The following SPDYE14 variants were observed in gnomAD, a reference collection of about 807,000 sequenced individuals.
SPDYE14 encodes speedy/RINGO cell cycle regulator family member E14, also known as speedy protein E14.
the SPDYE14 span, among the ~76,000 whole-genome samples, chr7:75,255,226 G>A: frequency 2.0e-4 from 6 of 29,276 alleles, 2 homozygotes; most frequent in African/African-American, 5.2e-4. Flanking sequence ...AGGCTGGAGT[G>A]CAGCAGCACG....
the SPDYE14 span, among the ~76,000 whole-genome samples, chr7:75,249,574 C>CTTTT: frequency 1.8e-5 from 2 of 111,604 alleles, no homozygotes; most frequent in Non-Finnish European, 3.8e-5. Context: ...TTCTTCCTTC[C>CTTTT]TTCTTTCCTT....
the SPDYE14 span, among the ~76,000 whole-genome samples, chr7:75,241,695 A>ATTTTTT: frequency 2.0e-3 from 31 of 15,488 alleles, no homozygotes; most frequent in Non-Finnish European, 4.1e-3. Context: ...ATATATATAT[A>ATTTTTT]TTTTTTTTTT....
At chr7:75,303,532 C>T in the SPDYE14 span, among the ~76,000 whole-genome samples, 1 of 21,500 alleles carries the variant, frequency 4.7e-5, no homozygotes, top group Admixed American at 4.8e-4. Flanking sequence ...TGGTGGCATG[C>T]GCCTGTAGTT....
At chr7:75,275,410 CTGTTGATCTG>C in the SPDYE14 span, among the ~76,000 whole-genome samples, 1 of 48,648 alleles carries the variant, frequency 2.1e-5, no homozygotes, top group Non-Finnish European at 5.4e-5. Flanking sequence ...CTTGGGAATC[CTGTTGATCTG>C]TGACCTTACC....
At chr7:75,273,711 A>C in the SPDYE14 span, among the ~76,000 whole-genome samples, 7 of 60,796 alleles carry the variant, frequency 1.2e-4, 1 homozygote, top group Admixed American at 4.7e-4. Context: ...TTATAACCTC[A>C]TCTCAACGTG....
the SPDYE14 span, among the ~76,000 whole-genome samples, chr7:75,278,512 C>A: frequency 1.1e-4 from 2 of 19,030 alleles, 1 homozygote; most frequent in Non-Finnish European, 3.1e-4. Flanking sequence ...ACCTGGGAGG[C>A]GGAGGTTGCA....
chr7:75,275,739 TAAAA>T, the SPDYE14 span, among the ~76,000 whole-genome samples: 1,043 of 14,544 alleles, frequency 0.072, 346 homozygotes, highest in Non-Finnish European at 0.12. Context: ...AAAAATAAAT[TAAAA>T]AAAAAAAAAA....
the SPDYE14 span, among the ~76,000 whole-genome samples, chr7:75,274,965 C>T: frequency 4.9e-5 from 3 of 61,576 alleles, no homozygotes; most frequent in African/African-American, 1.2e-4. Context: ...AGACCCCGTC[C>T]GGGAGGTGAG....
the SPDYE14 span, among the ~76,000 whole-genome samples, chr7:75,275,035 GC>G: frequency 2.2e-5 from 1 of 45,698 alleles, no homozygotes; most frequent in African/African-American, 5.4e-5. Context: ...CCAGCCAGCC[GC>G]CCCGTCCGGG....
At chr7:75,306,757 TG>T (rs1334587180), upstream of SPDYE14, among the ~76,000 whole-genome samples, 1 of 40,494 alleles carries the variant, frequency 2.5e-5, no homozygotes, top group Non-Finnish European at 5.1e-5. Context: ...CTGGGCTGTC[TG>T]GCACTTTTTT....
At chr7:75,261,453 CTTT>C in the SPDYE14 span, among the ~76,000 whole-genome samples, 6 of 39,922 alleles carry the variant, frequency 1.5e-4, no homozygotes, top group African/African-American at 5.7e-4. Flanking sequence ...TCAAGAACAC[CTTT>C]TTTTTTTTTT....
chr7:75,278,248 T>G, the SPDYE14 span, among the ~76,000 whole-genome samples: 1 of 54,392 alleles, frequency 1.8e-5, no homozygotes, highest in African/African-American at 4.4e-5. Flanking sequence ...GTAGAGAGAG[T>G]GGAAGAGGGA....
the SPDYE14 span, among the ~76,000 whole-genome samples, chr7:75,245,428 G>GAAAAA: frequency 4.4e-5 from 3 of 67,740 alleles, no homozygotes; most frequent in South Asian, 4.9e-4. Context: ...ATGTCTCAAA[G>GAAAAA]AAAAAAAAAA....
chr7:75,272,865 G>A, the SPDYE14 span, among the ~76,000 whole-genome samples: 1 of 40,670 alleles, frequency 2.5e-5, no homozygotes, highest in Non-Finnish European at 6.4e-5. Context: ...CAGCCTGGGC[G>A]ACAGAGTGAA....
At chr7:75,237,637 G>GGGCCGAGC in the SPDYE14 span, 1 of 58,648 alleles carries the variant, frequency 1.7e-5, no homozygotes, top group Non-Finnish European at 4.0e-5. Flanking sequence ...AGCAGCCGAG[G>GGGCCGAGC]GGCCGAGCGG....
At chr7:75,273,981 A>G in the SPDYE14 span, among the ~76,000 whole-genome samples, 1 of 10,256 alleles carries the variant, frequency 9.8e-5, no homozygotes, top group African/African-American at 1.7e-4. Flanking sequence ...AGTTGGGACT[A>G]TGGGCACCCA....
At chr7:75,244,899 G>C in the SPDYE14 span, among the ~76,000 whole-genome samples, 1 of 59,016 alleles carries the variant, frequency 1.7e-5, no homozygotes, top group African/African-American at 4.4e-5. Flanking sequence ...TTTGAGACCA[G>C]CCTGGTCCAT....
the SPDYE14 span, among the ~76,000 whole-genome samples, chr7:75,240,300 A>G: frequency 3.6e-5 from 2 of 55,164 alleles, 1 homozygote; most frequent in Non-Finnish European, 8.5e-5. Flanking sequence ...GTTTCTTAAG[A>G]AAAAAAAAAA....
At chr7:75,273,410 G>A in the SPDYE14 span, among the ~76,000 whole-genome samples, 10 of 59,204 alleles carry the variant, frequency 1.7e-4, 5 homozygotes, top group Non-Finnish European at 4.4e-4. Flanking sequence ...GGTGGCAGAC[G>A]CCTGTAATCC....
Sources: gnomAD v4.1 joint callset for allele counts (sites outside exome capture counted in the v4.1 genomes callset) on GRCh38, gnomAD v4.1.1 for gene constraint, MANE v1.5 for transcripts, NCBI Gene and HGNC (gene_info 2026-07-23, HGNC 2026-07-21) for gene names.